C1orf198: variants seen among roughly 807,000 people sequenced by gnomAD.
C1orf198 encodes the protein uncharacterized protein C1orf198.
In C1orf198, 17 loss-of-function variants were observed where a neutral mutation model predicts 31.4. That is an observed-to-expected ratio of 0.54 (90% CI 0.37 to 0.81). The LOEUF (loss-of-function observed/expected upper bound fraction) is 0.81, where lower values mean the gene tolerates loss of function less well. Ranked by LOEUF, C1orf198 falls within the 40% of genes least tolerant of loss-of-function variation. The pLI is 0.00. For synonymous variants in C1orf198, 175 were observed against 193.8 expected, an observed-to-expected ratio of 0.90 and a Z score of 0.81; for missense variants, 401 against 450.3, an observed-to-expected ratio of 0.89 and a Z score of 0.99.
At position 230,843,371 on chromosome 1, in the gene C1orf198, C is replaced by A; in HGVS notation, c.910G>T (p.Glu304Ter). 6.4e-7 allele frequency: 1 copy of A among 1,555,524 alleles called. No individual in the cohort carries two copies. The highest frequency in any genetic ancestry group is 1.2e-5 in the South Asian group (1 of 84,500). ...QDDGEDTLFSEPKFAQVSSSN... is the reference protein window; with the variant it reads ...QDDGEDTLFS The stretch of plus-strand genomic sequence containing the variant: ...CCACTCACCTGTGCAAACTTGGGTT[C>A]CGAGAACAGGGTGTCTTCCCCATCG... The change falls in exon 3 of 4, where the codon GAA becomes TAA. Residue 304 changes from glutamate (E) to a stop codon, truncating the protein, a stop_gained. Coordinates refer to ENST00000366663, the MANE Select transcript of C1orf198 (RefSeq NM_032800.3). LOFTEE classifies it high-confidence loss of function. The surrounding 1 kb of genome is among the most constrained non-coding windows in gnomAD (Gnocchi z 4.9).
chr1:230,855,716 A>G lies in C1orf198; in HGVS notation c.336T>C (p.Asp112=), dbSNP rs974857078. Reference sequence around the variant, plus strand: ...CAGAGTGCTCATCTTGCCAAGTTAGATCCTGAAATAAAAAATCGAGAATAA... The same window carrying G: ...CAGAGTGCTCATCTTGCCAAGTTAGGTCCTGAAATAAAAAATCGAGAATAA... ...GQKVVRFGDE[D]LTWQDEHSAP... is the part of the protein sequence containing the mutation. Residue 112 remains aspartate, a splice_region_variant and synonymous_variant, in exon 2 of 4, where the codon GAT becomes GAC. Transcript: ENST00000366663. 2.5e-6 allele frequency: 4 copies of G among 1,613,094 alleles called. No homozygotes were observed. Among genetic ancestry groups the G allele is most frequent in the Non-Finnish European group, 3.4e-6 (4 of 1,179,380 alleles).
chr1:230,848,161 T>C lies in C1orf198; in HGVS notation c.385-4265A>G, dbSNP rs145807727. On this transcript the variant is annotated intron_variant, in intron 2 of 3. Coordinates refer to ENST00000366663, the MANE Select transcript of C1orf198 (RefSeq NM_032800.3). ...CTGGCAACAGCTCTTCAGAGGAGGG[T>C]GTCATCTGGCTAGAGAAGAGGGCTT... Among the ~76,000 whole-genome samples the C allele has an allele frequency of 5.4e-3, 820 of 152,204 alleles. 7 individuals are homozygous for C. The highest frequency in any genetic ancestry group is 0.014 in the Middle Eastern group (4 of 294).
upstream of C1orf198, chr1:230,868,610 C>T (rs1490751922): frequency 1.9e-5 from 18 of 939,712 alleles, no homozygotes; most frequent in Non-Finnish European, 2.3e-5. Context: ...CCTCCGGGAA[C>T]CCCGCCCTGC....
chr1:230,868,060 T>A, intron 1 of C1orf198, 120 bp downstream of exon 1: 8 of 939,314 alleles, frequency 8.5e-6, no homozygotes, highest in Non-Finnish European at 1.1e-5. Context: ...CTGCCATTCC[T>A]GCCTTTTCTT....
At chr1:230,861,642 C>A (rs1199329925) in intron 1 of C1orf198, among the ~76,000 whole-genome samples, 1 of 152,190 alleles carries the variant, frequency 6.6e-6, no homozygotes, top group East Asian at 1.9e-4. Context: ...CCAGAGCCGG[C>A]TCCAGCATAC....
chr1:230,868,528 C>G (rs765099140), upstream of C1orf198: 5 of 1,279,464 alleles, frequency 3.9e-6, no homozygotes, highest in Admixed American at 8.2e-5. Context: ...GCCTGCCCGC[C>G]GCTCCCGGCC....
chr1:230,858,860 C>A (rs1046548127), intron 1 of C1orf198, among the ~76,000 whole-genome samples: 1 of 152,174 alleles, frequency 6.6e-6, no homozygotes, highest in Non-Finnish European at 1.5e-5. Flanking sequence ...AGACTTAGCC[C>A]AGAGCTTGGG....
At chr1:230,864,820 A>G (rs1428214971) in intron 1 of C1orf198, among the ~76,000 whole-genome samples, 1 of 152,160 alleles carries the variant, frequency 6.6e-6, no homozygotes, top group Non-Finnish European at 1.5e-5. Flanking sequence ...CAGTGACAAG[A>G]AGATTGGGGG....
intron 1 of C1orf198, among the ~76,000 whole-genome samples, chr1:230,859,154 C>T (rs1039689067): frequency 3.3e-5 from 5 of 152,188 alleles, no homozygotes; most frequent in Admixed American, 6.5e-5. Flanking sequence ...CACAAAAAAG[C>T]ACTGGCGGCA....
chr1:230,867,886 C>T (rs1053535411), intron 1 of C1orf198, among the ~76,000 whole-genome samples: 2 of 152,150 alleles, frequency 1.3e-5, no homozygotes, highest in Non-Finnish European at 2.9e-5. Flanking sequence ...TGGTCAGCCT[C>T]GCTTACGACA....
intron 2 of C1orf198, among the ~76,000 whole-genome samples, chr1:230,854,213 G>A (rs1007775347): frequency 1.3e-5 from 2 of 151,990 alleles, no homozygotes; most frequent in African/African-American, 2.4e-5. Context: ...TGCTTTCTGG[G>A]TCACCATACC....
At position 230,837,361 on chromosome 1, in the gene C1orf198, A is replaced by G. The variant is rs1669329363; in HGVS notation, c.*2491T>C. ...GCCAAGGGAGGGGCTCCCAGATGAAACAGAGGCTGGTTGCTGATTTCTTGG... is the reference window on the plus strand; with the variant it reads ...GCCAAGGGAGGGGCTCCCAGATGAAGCAGAGGCTGGTTGCTGATTTCTTGG... On this transcript the variant is annotated 3_prime_UTR_variant, in exon 4 of 4. Transcript: ENST00000366663. The G allele has an allele frequency of 6.6e-6, 1 of 152,436 alleles. No individual in the cohort carries two copies. The highest frequency in any genetic ancestry group is 6.5e-5 in the Admixed American group (1 of 15,272). 9.4% of individuals were successfully genotyped at this position (152,436 alleles called of 1,614,324 possible).
chr1:230,864,090 A>C (rs1005696881), intron 1 of C1orf198, among the ~76,000 whole-genome samples: 1 of 152,212 alleles, frequency 6.6e-6, no homozygotes, highest in Non-Finnish European at 1.5e-5. Context: ...GCCAAACTCA[A>C]ATCTAACAAA....
Position 230,868,377 on chromosome 1 carries a change from C to A in C1orf198, c.136G>T (p.Asp46Tyr). Residue 46 changes from aspartate (D) to tyrosine (Y), a missense_variant, in exon 1 of 4, where the codon GAC becomes TAC. Transcript: ENST00000366663. ...TACTTCTCGCGGATCTTCTCCTTGT[C>A]CTGCATGATCTTCCTGGCCATGGGG... ...LSPMARKIMQ[D>Y]KEKIREKYGP... The A allele has an allele frequency of 6.3e-7, 1 of 1,599,636 alleles. No individual in the cohort carries two copies.
At chr1:230,852,144 T>C (rs74909887) in intron 2 of C1orf198, among the ~76,000 whole-genome samples, 1,576 of 151,984 alleles carry the variant, frequency 0.01, 22 homozygotes, top group South Asian at 0.022. Flanking sequence ...GTGTACAAAT[T>C]TGGGTTAAAC....
At chr1:230,859,868 C>A (rs1225590806) in intron 1 of C1orf198, among the ~76,000 whole-genome samples, 1 of 152,056 alleles carries the variant, frequency 6.6e-6, no homozygotes, top group Non-Finnish European at 1.5e-5. Context: ...GCTCATAGTG[C>A]TGGAATACAT....
chr1:230,839,923 A>G lies in C1orf198; in HGVS notation c.928-15T>C. ...CTTGAGCTGACCTGTAGAAGGGACAAAAACATGGAAGTAAGACGAGCCTCT... is the reference window on the plus strand; with the variant it reads ...CTTGAGCTGACCTGTAGAAGGGACAGAAACATGGAAGTAAGACGAGCCTCT... On this transcript the variant is annotated splice_polypyrimidine_tract_variant and intron_variant, in intron 3 of 3. Coordinates refer to ENST00000366663, the MANE Select transcript of C1orf198 (RefSeq NM_032800.3). 2 of 1,597,590 alleles carry G rather than the reference A, an allele frequency of 1.3e-6. No individual in the cohort carries two copies. Among genetic ancestry groups the G allele is most frequent in the Non-Finnish European group, 1.7e-6 (2 of 1,175,106 alleles).
At position 230,843,591 on chromosome 1, in the gene C1orf198, C is replaced by T; in HGVS notation, c.690G>A (p.Arg230=). 6.2e-7 allele frequency: 1 copy of T among 1,614,180 alleles called. No homozygotes were observed. Among genetic ancestry groups the T allele is most frequent in the Non-Finnish European group, 8.5e-7 (1 of 1,180,026 alleles). ...CCCTGTCCTTCGGGGCAGGTTCCTG[C>T]CGGTAGCAGGGAGGCAAGACCTTTT... ...KGEKVLPPCY[R]QEPAPKDREA... is the part of the protein sequence containing the mutation. Residue 230 remains arginine, a synonymous_variant, in exon 3 of 4, where the codon CGG becomes CGA. Coordinates refer to ENST00000366663, the MANE Select transcript of C1orf198 (RefSeq NM_032800.3). The surrounding 1 kb of genome is among the most constrained non-coding windows in gnomAD (Gnocchi z 4.9).
At chr1:230,850,161 A>G (rs1669703766) in intron 2 of C1orf198, among the ~76,000 whole-genome samples, 1 of 152,236 alleles carries the variant, frequency 6.6e-6, no homozygotes, top group African/African-American at 2.4e-5. Flanking sequence ...CAAGGAATTC[A>G]TCAGCATGAT....
Sources: gnomAD v4.1 joint callset for allele counts (sites outside exome capture counted in the v4.1 genomes callset) on GRCh38, gnomAD v4.1.1 for gene constraint, Gnocchi (gnomAD v3.1) non-coding constraint, MANE v1.5 for transcripts, NCBI Gene and HGNC (gene_info 2026-07-23, HGNC 2026-07-21) for gene names.